MICU1: variants seen among roughly 807,000 people sequenced by gnomAD.
MICU1 encodes mitochondrial calcium uptake 1.
MICU1 carries 45 observed loss-of-function variants against 56.8 expected under a neutral mutation model. That is an observed-to-expected ratio of 0.79 (90% CI 0.62 to 1.02). The LOEUF is 1.02. Among genes scored for constraint, MICU1 ranks in the 50% least tolerant of loss-of-function variants. The pLI is 0.00. For synonymous variants in MICU1, 186 were observed against 195.1 expected (o/e 0.95, Z 0.39); for missense variants, 504 against 587.1 (o/e 0.86, Z 1.46).
intron 10 of MICU1, among the ~76,000 whole-genome samples, chr10:72,400,526 A>G (rs1175987396): frequency 1.3e-5 from 2 of 152,104 alleles, no homozygotes; most frequent in Non-Finnish European, 2.9e-5. Flanking sequence ...CAGGCGGATC[A>G]CCTGAGATTA....
At chr10:72,581,479 T>C (rs1326763875) in intron 1 of MICU1, among the ~76,000 whole-genome samples, 2 of 152,054 alleles carry the variant, frequency 1.3e-5, no homozygotes, top group Non-Finnish European at 2.9e-5. Context: ...AGTACAAAAA[T>C]TAGCTGGGCA....
chr10:72,485,823 A>T (rs955116764), intron 6 of MICU1, among the ~76,000 whole-genome samples: 1 of 152,042 alleles, frequency 6.6e-6, no homozygotes, highest in South Asian at 2.1e-4. Context: ...AAAATTTTCA[A>T]CTTCCAATAG....
At position 72,621,333 on chromosome 10, in the gene MICU1, C is replaced by CA. The variant is rs1033464453; in HGVS notation, c.-2+4676dup. Among the ~76,000 whole-genome samples, 1,009 of 146,962 alleles carry CA rather than the reference C, an allele frequency of 6.9e-3. 10 individuals are homozygous for CA. Among genetic ancestry groups the CA allele is most frequent in the African/African-American group, 0.023 (909 of 40,300 alleles). ...TGAAACCCCATCTCTACTTAAAATA[C>CA]AAAAAAAAAATAGCCAGCCGTGGTG... On this transcript the variant is annotated intron_variant, in intron 1 of 11. Coordinates refer to ENST00000361114, the MANE Select transcript of MICU1 (RefSeq NM_001195518.2).
chr10:72,445,146 G>A (rs1270899772), intron 8 of MICU1, among the ~76,000 whole-genome samples: 6 of 152,188 alleles, frequency 3.9e-5, no homozygotes, highest in African/African-American at 1.4e-4. Flanking sequence ...AGTAACTCAG[G>A]AAGCATGCAG....
In MICU1 at chr10:72,448,193, A is replaced by ATATT. The variant is rs1172704084; in HGVS notation, c.934-24823_934-24822insAATA. Among the ~76,000 whole-genome samples, 167 of 36,840 alleles carry ATATT rather than the reference A, an allele frequency of 4.5e-3. 4 individuals carry two copies. Among genetic ancestry groups the ATATT allele is most frequent in the Non-Finnish European group, 6.3e-3 (133 of 21,222 alleles). 24.2% of individuals were successfully genotyped at this position (36,840 alleles called of 152,430 possible). On this transcript the variant is annotated intron_variant, in intron 8 of 11. Coordinates refer to ENST00000361114, the MANE Select transcript of MICU1 (RefSeq NM_001195518.2). ...TGTGTGTATATATATATATATATAT[A>ATATT]TTTTTTTTTTTTTTTTTTTTTTTTG...
At chr10:72,619,724 A>G (rs1842058348) in intron 1 of MICU1, among the ~76,000 whole-genome samples, 1 of 152,240 alleles carries the variant, frequency 6.6e-6, no homozygotes, top group African/African-American at 2.4e-5. Flanking sequence ...ACCTGAGGGT[A>G]GAGGGAGGTT....
chr10:72,437,922 G>C (rs1201280203), intron 8 of MICU1, among the ~76,000 whole-genome samples: 1 of 152,096 alleles, frequency 6.6e-6, no homozygotes, highest in Non-Finnish European at 1.5e-5. Context: ...CCTACAAAGA[G>C]ACCTGGACTC....
At chr10:72,385,146 C>A (rs1862845152) in intron 10 of MICU1, among the ~76,000 whole-genome samples, 1 of 152,146 alleles carries the variant, frequency 6.6e-6, no homozygotes, top group Non-Finnish European at 1.5e-5. Context: ...AGTCGCTGAA[C>A]CTGAACTTCT....
intron 9 of MICU1, among the ~76,000 whole-genome samples, chr10:72,421,554 C>T (rs12769504): frequency 0.53 from 80,976 of 151,990 alleles, 23,175 homozygotes; most frequent in Non-Finnish European, 0.67. Context: ...GGATTACAGG[C>T]GTGAGCCACC....
At chr10:72,523,592 G>A (rs1409765352) in intron 5 of MICU1, among the ~76,000 whole-genome samples, 2 of 151,918 alleles carry the variant, frequency 1.3e-5, no homozygotes, top group African/African-American at 4.8e-5. Flanking sequence ...AGCACCCTGT[G>A]GTCTTCGTTA....
rs556046856 is a variant in MICU1, at chr10:72,498,311, C to A, written c.652+9844G>T. ...AAGAAAGAAGGAAGCCTGGGCCGGG[C>A]ACAGTGGCTCACACCTGTAATCCCA... On this transcript the variant is annotated intron_variant, in intron 6 of 11. Transcript: ENST00000361114. 7.2e-5 allele frequency among the ~76,000 whole-genome samples: 11 copies of A among 152,316 alleles called. 1 individual carries two copies. The South Asian group carries it at 2.3e-3, about 32-fold the overall frequency.
intron 9 of MICU1, among the ~76,000 whole-genome samples, chr10:72,417,925 G>A (rs979655364): frequency 2.0e-5 from 3 of 152,158 alleles, no homozygotes; most frequent in African/African-American, 7.2e-5. Flanking sequence ...AAAGGAAAGA[G>A]GTTTAATTGA....
chr10:72,624,699 T>A (rs915570041), intron 1 of MICU1, among the ~76,000 whole-genome samples: 1 of 152,190 alleles, frequency 6.6e-6, no homozygotes, highest in Non-Finnish European at 1.5e-5. Flanking sequence ...TTTATGGCTC[T>A]CAGTAAGGAC....
intron 1 of MICU1, among the ~76,000 whole-genome samples, chr10:72,580,650 T>A (rs1302098319): frequency 1.3e-5 from 2 of 152,136 alleles, no homozygotes; most frequent in Non-Finnish European, 2.9e-5. Context: ...CTAACTTTCG[T>A]ATTTTTTGTA....
chr10:72,544,457 A>G (rs528402589), intron 4 of MICU1, among the ~76,000 whole-genome samples: 3 of 152,314 alleles, frequency 2.0e-5, no homozygotes, highest in South Asian at 2.1e-4. Context: ...TTCATCTCCA[A>G]TGAAGATGAA....
At chr10:72,421,025 T>A (rs1211048259) in intron 9 of MICU1, among the ~76,000 whole-genome samples, 1,859 of 139,620 alleles carry the variant, frequency 0.013, 33 homozygotes, top group African/African-American at 0.045. Context: ...AAAATAATAA[T>A]AATAATAATA....
chr10:72,457,518 G>C (rs1865510494), intron 8 of MICU1, among the ~76,000 whole-genome samples: 1 of 151,814 alleles, frequency 6.6e-6, no homozygotes, highest in African/African-American at 2.4e-5. Flanking sequence ...CATCACACCA[G>C]GGCTTACTTC....
intron 1 of MICU1, among the ~76,000 whole-genome samples, chr10:72,581,844 GT>G (rs1475451300): frequency 6.6e-6 from 1 of 152,120 alleles, no homozygotes; most frequent in Non-Finnish European, 1.5e-5. Context: ...TCCTTTTCCG[GT>G]TCTAAGAGTT....
intron 3 of MICU1, among the ~76,000 whole-genome samples, chr10:72,553,714 T>TA (rs1204978296): frequency 2.6e-5 from 4 of 152,178 alleles, no homozygotes; most frequent in Non-Finnish European, 5.9e-5. Flanking sequence ...AATAAGAACT[T>TA]AAAAATCAAG....
Sources: gnomAD v4.1 joint callset for allele counts (sites outside exome capture counted in the v4.1 genomes callset) on GRCh38, gnomAD v4.1.1 for gene constraint, MANE v1.5 for transcripts, NCBI Gene and HGNC (gene_info 2026-07-23, HGNC 2026-07-21) for gene names.